Variants in ZNF644 observed in about 807,000 individuals in gnomAD.
The protein encoded by ZNF644 is zinc finger protein 644, also known as zinc finger motif enhancer binding protein 2.
In ZNF644, 20 loss-of-function variants were observed where a neutral mutation model predicts 108.0. That is an observed-to-expected ratio of 0.19 (90% CI 0.13 to 0.27). The LOEUF is 0.27. Ranked by LOEUF, ZNF644 falls within the 10% of genes least tolerant of loss-of-function variation. ZNF644 has a pLI of 1.00. For synonymous variants in ZNF644, 542 were observed against 539.1 expected (o/e 1.01, Z -0.08); for missense variants, 1,338 against 1,548.9 (o/e 0.86, Z 2.29).
intron 2 of ZNF644, among the ~76,000 whole-genome samples, chr1:90,955,954 A>G (rs775302086): frequency 1.3e-5 from 2 of 152,200 alleles, no homozygotes; most frequent in Non-Finnish European, 2.9e-5. Flanking sequence ...GTTTTGATTT[A>G]AAATGAGAGA....
In ZNF644 at chr1:90,940,219, T is replaced by C. The variant is rs368829028; in HGVS notation, c.1135A>G (p.Thr379Ala). 6.2e-6 allele frequency: 10 copies of C among 1,613,908 alleles called. No homozygotes were observed. The highest frequency in any genetic ancestry group is 1.3e-5 in the African/African-American group (1 of 74,892). The change falls in exon 3 of 6, where the codon ACT (threonine) becomes GCT (alanine). Residue 379 changes from threonine (T) to alanine (A), a missense_variant. Thr to Ala is a moderately conservative substitution (Grantham distance 58, BLOSUM62 0). This residue lies in a region of ZNF644 where 464 missense variants were observed against 457.9 expected (regional missense o/e 1.01). Coordinates refer to ENST00000337393, the MANE Select transcript of ZNF644 (RefSeq NM_201269.3). ...AAGGTATTTGAAAGAAAAGTGCTAG[T>C]ATGAACAGGTGAACTCTCTTCTCCA... Reference protein sequence around the residue: ...KCGEESSPVHTSTFLSNTLKK... With the variant: ...KCGEESSPVHASTFLSNTLKK...
chr1:90,927,806 C>T (rs1650224726), intron 4 of ZNF644, among the ~76,000 whole-genome samples: 1 of 151,892 alleles, frequency 6.6e-6, no homozygotes, highest in African/African-American at 2.4e-5. Flanking sequence ...TCTCTCTGCC[C>T]TCCCTCTCTT....
chr1:90,940,263 A>G lies in ZNF644; in HGVS notation c.1091T>C (p.Ile364Thr). 1 of 1,614,000 alleles carries G rather than the reference A, an allele frequency of 6.2e-7. No individual in the cohort carries two copies. The highest frequency in any genetic ancestry group is 8.5e-7 in the Non-Finnish European group (1 of 1,179,946). ...TTCTCCACACTTATCTGGGTTATAA[A>G]TTAGATGTTGGAAGGCATCCACAGA... ...LESVDAFQHLIYNPDKCGEES... is the reference protein window; with the variant it reads ...LESVDAFQHLTYNPDKCGEES... The change falls in exon 3 of 6, where the codon ATT (isoleucine) becomes ACT (threonine). Residue 364 changes from isoleucine to threonine, a missense_variant. Physicochemically the swap from Ile to Thr is moderately conservative, Grantham distance 89. This residue lies in a region of ZNF644 where 464 missense variants were observed against 457.9 expected (regional missense o/e 1.01). Transcript: ENST00000337393.
At chr1:90,945,105 A>G (rs570973770) in intron 2 of ZNF644, among the ~76,000 whole-genome samples, 20 of 152,160 alleles carry the variant, frequency 1.3e-4, no homozygotes, top group African/African-American at 4.6e-4. Context: ...TTAGGTTACT[A>G]TAACAAAGTA....
At position 90,938,795 on chromosome 1, in the gene ZNF644, A is replaced by G. The variant is rs149082287; in HGVS notation, c.2559T>C (p.Tyr853=). Residue 853 remains tyrosine (Y), a synonymous_variant, in exon 3 of 6, where the codon TAT becomes TAC. Transcript: ENST00000337393. The surrounding 1 kb of genome is among the most constrained non-coding windows in gnomAD (Gnocchi z 4.2). Reference sequence around the variant, plus strand: ...CCCAGGAACTTTCATCTTCTGTTTCATAACTATCTTTCTTTTCAGCAGAAT... The same window carrying G: ...CCCAGGAACTTTCATCTTCTGTTTCGTAACTATCTTTCTTTTCAGCAGAAT... ...KLNSAEKKDS[Y]ETEDESSWDN... is the part of the protein sequence containing the mutation. The G allele has an allele frequency of 3.2e-4, 519 of 1,613,710 alleles. No individual in the cohort carries two copies. The highest frequency in any genetic ancestry group is 4.1e-4 in the Non-Finnish European group (478 of 1,179,934).
chr1:90,919,237 C>T (rs2100770824), intron 4 of ZNF644, among the ~76,000 whole-genome samples: 1 of 152,140 alleles, frequency 6.6e-6, no homozygotes, highest in South Asian at 2.1e-4. Flanking sequence ...AAGAATTTAT[C>T]TGTAGGGATC....
At chr1:90,933,918 A>G (rs1046132108) in intron 4 of ZNF644, among the ~76,000 whole-genome samples, 3 of 152,190 alleles carry the variant, frequency 2.0e-5, no homozygotes, top group African/African-American at 7.2e-5. Flanking sequence ...ACGTTAAGAG[A>G]ATTCCAGTAC....
At chr1:90,932,360 C>T (rs1343898895) in intron 4 of ZNF644, among the ~76,000 whole-genome samples, 1 of 152,128 alleles carries the variant, frequency 6.6e-6, no homozygotes, top group African/African-American at 2.4e-5. Flanking sequence ...ATTAAGACTG[C>T]TTAAACTAGA....
At position 90,941,278 on chromosome 1, in the gene ZNF644, T is replaced by C. The variant is rs1257545217; in HGVS notation, c.76A>G (p.Met26Val). Residue 26 changes from methionine (M) to valine (V), a missense_variant, in exon 3 of 6, where the codon ATG becomes GTG. Transcript: ENST00000337393. ...LNVLNGLANN[M>V]DDLKINTDIT... ...TCGGTGTTTATCTTCAAATCATCCA[T>C]ATTGTTGGCAAGCCCATTTAACACA... 1.9e-6 allele frequency: 3 copies of C among 1,598,576 alleles called. No individual in the cohort carries two copies. Among genetic ancestry groups the C allele is most frequent in the Non-Finnish European group, 2.6e-6 (3 of 1,176,242 alleles).
chr1:90,932,820 C>T lies in ZNF644; in HGVS notation c.3688+4665G>A, dbSNP rs538117246. Among the ~76,000 whole-genome samples, 13 of 152,046 alleles carry T rather than the reference C, an allele frequency of 8.6e-5. No individual in the cohort carries two copies. In the East Asian group the frequency reaches 2.5e-3, roughly 29 times the overall value. On this transcript the variant is annotated intron_variant, in intron 4 of 5. Coordinates refer to ENST00000337393, the MANE Select transcript of ZNF644 (RefSeq NM_201269.3). ...TTTCAGAATTTCCAAGAAAAAGAAGCATTAGTTTTTAAAGTTTCTCAAAAG... is the reference window on the plus strand; with the variant it reads ...TTTCAGAATTTCCAAGAAAAAGAAGTATTAGTTTTTAAAGTTTCTCAAAAG...
chr1:90,995,709 C>G (rs1157714041), intron 1 of ZNF644, among the ~76,000 whole-genome samples: 1 of 152,062 alleles, frequency 6.6e-6, no homozygotes, highest in African/African-American at 2.4e-5. Context: ...AATGGAGATA[C>G]TGAAACAACA....
intron 2 of ZNF644, among the ~76,000 whole-genome samples, chr1:90,942,717 T>C (rs146484234): frequency 2.9e-3 from 446 of 152,330 alleles, no homozygotes; most frequent in African/African-American, 0.01. Context: ...AACTCAGTAA[T>C]TATAATAAGG....
chr1:90,967,750 A>C (rs1655063091), intron 2 of ZNF644, among the ~76,000 whole-genome samples: 1 of 152,006 alleles, frequency 6.6e-6, no homozygotes, highest in African/African-American at 2.4e-5. Context: ...GAGTGCACAA[A>C]AAGATCCAAG....
intron 2 of ZNF644, among the ~76,000 whole-genome samples, chr1:90,960,878 A>G (rs918220655): frequency 1.3e-5 from 2 of 152,128 alleles, no homozygotes; most frequent in East Asian, 1.9e-4. Context: ...ACAAAGGAGT[A>G]ACATCCTCAT....
At chr1:90,929,137 T>C (rs920826070) in intron 4 of ZNF644, among the ~76,000 whole-genome samples, 2 of 152,198 alleles carry the variant, frequency 1.3e-5, no homozygotes, top group Non-Finnish European at 2.9e-5. Flanking sequence ...TTCTGTTTTT[T>C]ACAAGCTCTA....
chr1:91,005,969 T>G (rs1659383377), intron 1 of ZNF644, among the ~76,000 whole-genome samples: 1 of 151,936 alleles, frequency 6.6e-6, no homozygotes, highest in Non-Finnish European at 1.5e-5. Flanking sequence ...ACCCAAAAGT[T>G]GGTTCTTTGA....
At chr1:90,947,709 T>A (rs192257311) in intron 2 of ZNF644, among the ~76,000 whole-genome samples, 3 of 152,280 alleles carry the variant, frequency 2.0e-5, no homozygotes, top group African/African-American at 7.2e-5. Context: ...CATATACAGA[T>A]GCTCCTTTAC....
intron 1 of ZNF644, among the ~76,000 whole-genome samples, chr1:90,987,339 T>A (rs1657209209): frequency 7.2e-6 from 1 of 139,016 alleles, no homozygotes; most frequent in African/African-American, 2.7e-5. Context: ...AAAATGAAAA[T>A]CTGAAATGAA....
chr1:90,997,715 C>T (rs1186260387), intron 1 of ZNF644, among the ~76,000 whole-genome samples: 3 of 152,152 alleles, frequency 2.0e-5, no homozygotes, highest in Non-Finnish European at 1.5e-5. Flanking sequence ...GGGTGCAGCC[C>T]ACCAAGCATG....
Sources: gnomAD v4.1 joint callset for allele counts (sites outside exome capture counted in the v4.1 genomes callset) on GRCh38, gnomAD v4.1.1 for gene constraint, gnomAD v4.1.1 regional missense constraint, Gnocchi (gnomAD v3.1) non-coding constraint, MANE v1.5 for transcripts, NCBI Gene and HGNC (gene_info 2026-07-23, HGNC 2026-07-21) for gene names.